Variants in AMOTL1 observed in about 807,000 individuals in gnomAD.
The protein encoded by AMOTL1 is angiomotin like 1.
A neutral mutation model predicts 102.9 loss-of-function variants in AMOTL1; 45 were observed. That is an observed-to-expected ratio of 0.44 (90% CI 0.34 to 0.56). The LOEUF (loss-of-function observed/expected upper bound fraction) is 0.56, where lower values mean the gene tolerates loss of function less well. Among genes scored for constraint, AMOTL1 ranks in the 20% least tolerant of loss-of-function variants. The probability of loss-of-function intolerance (pLI) is 0.01; values close to 1 mark genes in which losing one functional copy is unlikely to be tolerated. For synonymous variants in AMOTL1, 481 were observed against 484.7 expected (o/e 0.99, Z 0.10); for missense variants, 1,114 against 1,225.6 (o/e 0.91, Z 1.36).
At position 94,800,263 on chromosome 11, in the gene AMOTL1, A is replaced by T; in HGVS notation, c.1073A>T (p.Asp358Val). ...PYPAPQPVRT[D>V]VAVLRYQPPP... ...CCTGCTCCTCAGCCTGTGAGAACAG[A>T]TGTGGCCGTCCTGCGGTACCAGCCA... Residue 358 changes from aspartate to valine, a missense_variant, in exon 3 of 13, where the codon GAT becomes GTT. Asp to Val is a radical substitution (Grantham distance 152). Transcript: ENST00000433060. The T allele has an allele frequency of 6.2e-7, 1 of 1,613,610 alleles. No homozygotes were observed. The highest frequency in any genetic ancestry group is 8.5e-7 in the Non-Finnish European group (1 of 1,179,724).
At chr11:94,772,770 T>G (rs1591950362) in intron 1 of AMOTL1, among the ~76,000 whole-genome samples, 1 of 152,202 alleles carries the variant, frequency 6.6e-6, no homozygotes, top group Non-Finnish European at 1.5e-5. Context: ...TGTGTTTAGT[T>G]TTTTAAGAAA....
chr11:94,808,844 A>G (rs1290792779), intron 3 of AMOTL1, among the ~76,000 whole-genome samples: 1 of 152,180 alleles, frequency 6.6e-6, no homozygotes, highest in African/African-American at 2.4e-5. Context: ...TAGAAACATT[A>G]AAAAAATTTA....
chr11:94,731,034 C>CT (rs1339144520), intron 2 of AMOTL1, among the ~76,000 whole-genome samples: 1 of 152,180 alleles, frequency 6.6e-6, no homozygotes, highest in African/African-American at 2.4e-5. Flanking sequence ...TCTCCAAGCT[C>CT]TGTCTTATCC....
chr11:94,869,855 A>G (rs1011117346), intron 12 of AMOTL1, among the ~76,000 whole-genome samples: 6 of 152,200 alleles, frequency 3.9e-5, no homozygotes, highest in African/African-American at 1.4e-4. Flanking sequence ...TCAGGGCTCT[A>G]ACTTACCAGG....
intron 3 of AMOTL1, among the ~76,000 whole-genome samples, chr11:94,758,099 C>A (rs1207080410): frequency 6.6e-6 from 1 of 152,142 alleles, no homozygotes; most frequent in Non-Finnish European, 1.5e-5. Context: ...CAAAAACAGA[C>A]TTGAATCTTG....
intron 6 of AMOTL1, among the ~76,000 whole-genome samples, chr11:94,846,353 A>G (rs1952410986): frequency 1.3e-5 from 2 of 152,240 alleles, no homozygotes; most frequent in African/African-American, 2.4e-5. Flanking sequence ...TCCTGTAACA[A>G]CAATAATAAC....
At chr11:94,843,769 G>C (rs1420374122) in intron 6 of AMOTL1, among the ~76,000 whole-genome samples, 1 of 152,194 alleles carries the variant, frequency 6.6e-6, no homozygotes, top group Non-Finnish European at 1.5e-5. Context: ...GCATTGTGGA[G>C]AAGTTTATAG....
intron 1 of AMOTL1, among the ~76,000 whole-genome samples, chr11:94,721,412 T>C (rs1187426384): frequency 6.6e-6 from 1 of 152,166 alleles, no homozygotes; most frequent in Non-Finnish European, 1.5e-5. Flanking sequence ...TGTTATGGAT[T>C]GAATGTTTGT....
intron 3 of AMOTL1, among the ~76,000 whole-genome samples, chr11:94,761,012 G>A (rs1950785499): frequency 6.6e-6 from 1 of 151,958 alleles, no homozygotes; most frequent in Admixed American, 6.6e-5. Context: ...GGTGTCAAGC[G>A]ATCTTCCCGT....
intron 3 of AMOTL1, among the ~76,000 whole-genome samples, chr11:94,741,820 T>G (rs1241970637): frequency 6.6e-6 from 1 of 152,198 alleles, no homozygotes; most frequent in African/African-American, 2.4e-5. Context: ...ATATCTTGCC[T>G]TCCTAAGATG....
intron 6 of AMOTL1, among the ~76,000 whole-genome samples, chr11:94,834,027 C>T (rs1304768029): frequency 6.6e-6 from 1 of 152,206 alleles, no homozygotes; most frequent in African/African-American, 2.4e-5. Flanking sequence ...TGCAAAGATA[C>T]TCAGAAGGTT....
rs1181291077 is a variant in AMOTL1, at chr11:94,850,085, A to G, written c.1649-29A>G. ...CCAGAGGGTGTGCAATTTCTGATAG[A>G]GGTAGTTTTGTTCGTGTTTCCCTTC... On this transcript the variant is annotated intron_variant, in intron 6 of 12. Transcript: ENST00000433060. 20 of 1,566,106 alleles carry G rather than the reference A, an allele frequency of 1.3e-5. 1 individual carries two copies. The African/African-American group carries it at 1.8e-4, about 14-fold the overall frequency.
chr11:94,732,523 A>G (rs1950370434), intron 2 of AMOTL1, among the ~76,000 whole-genome samples: 1 of 152,160 alleles, frequency 6.6e-6, no homozygotes, highest in Non-Finnish European at 1.5e-5. Flanking sequence ...CACATTTTCC[A>G]AAAGAAATCA....
At chr11:94,809,631 AC>A (rs1951635536) in intron 3 of AMOTL1, among the ~76,000 whole-genome samples, 1 of 152,210 alleles carries the variant, frequency 6.6e-6, no homozygotes, top group Non-Finnish European at 1.5e-5. Context: ...TGTGATGATA[AC>A]AGAGGCTAAC....
intron 3 of AMOTL1, among the ~76,000 whole-genome samples, chr11:94,813,693 C>G (rs1951720557): frequency 1.3e-5 from 2 of 152,282 alleles, no homozygotes; most frequent in East Asian, 3.9e-4. Flanking sequence ...CCCATGTGTA[C>G]AAGGAAGTCC....
At chr11:94,764,719 G>T (rs745546445), upstream of AMOTL1, among the ~76,000 whole-genome samples, 1 of 152,204 alleles carries the variant, frequency 6.6e-6, no homozygotes, top group Admixed American at 6.5e-5. Context: ...TCAAGAAGGG[G>T]TGCTGAGAAA....
At chr11:94,760,714 G>A (rs1950781684) in intron 3 of AMOTL1, among the ~76,000 whole-genome samples, 1 of 152,134 alleles carries the variant, frequency 6.6e-6, no homozygotes, top group African/African-American at 2.4e-5. Context: ...ATTGCACATA[G>A]GCTAGTTTGT....
chr11:94,816,803 CTG>C (rs1396563258), intron 3 of AMOTL1, among the ~76,000 whole-genome samples: 1 of 152,174 alleles, frequency 6.6e-6, no homozygotes, highest in African/African-American at 2.4e-5. Flanking sequence ...CCAAAATAAA[CTG>C]TGTTTGTGAG....
At chr11:94,730,382 T>G (rs952140123) in intron 2 of AMOTL1, among the ~76,000 whole-genome samples, 1 of 152,210 alleles carries the variant, frequency 6.6e-6, no homozygotes, top group African/African-American at 2.4e-5. Context: ...CTACTCATCT[T>G]TGAAGCTTCT....
Sources: allele counts gnomAD v4.1 joint callset (sites outside exome capture counted in the v4.1 genomes callset), GRCh38; gene constraint gnomAD v4.1.1; transcripts MANE v1.5; gene names NCBI Gene and HGNC (gene_info 2026-07-23, HGNC 2026-07-21).